Variants in PLOD1 observed in about 807,000 individuals in gnomAD.
The protein encoded by PLOD1 is lysine hydroxylase.
Under a neutral mutation model 94.7 loss-of-function variants are expected in PLOD1, and 70 were observed. The ratio of observed to expected loss-of-function variants is 0.74; its 90% CI spans 0.61 to 0.90. The LOEUF (loss-of-function observed/expected upper bound fraction) is 0.90. PLOD1 is among the 40% of genes least tolerant of loss of function. The pLI, the probability that PLOD1 is intolerant of heterozygous loss-of-function variation, is 0.00. For synonymous variants in PLOD1, 417 were observed against 400.2 expected (o/e 1.04, Z -0.50); for missense variants, 905 against 972.7 (o/e 0.93, Z 0.93).
intron 1 of PLOD1, chr1:11,944,641 C>T (rs777648958): frequency 4.0e-5 from 55 of 1,360,506 alleles, no homozygotes; most frequent in Non-Finnish European, 4.9e-5. Flanking sequence ...CAGCATCCCT[C>T]GTTTCTGGAT....
chr1:11,967,406 G>A (rs1423860799), intron 16 of PLOD1, among the ~76,000 whole-genome samples: 1 of 151,330 alleles, frequency 6.6e-6, no homozygotes, highest in Admixed American at 6.6e-5. Flanking sequence ...GGTGGAGCTG[G>A]GGAGGAAAGG....
At position 11,950,367 on chromosome 1, in the gene PLOD1, CTGT is replaced by C. The variant is rs770511543; in HGVS notation, c.315_317del (p.Phe106del). On this transcript the variant is annotated inframe_deletion, in exon 4 of 19. Coordinates refer to ENST00000196061, the MANE Select transcript of PLOD1 (RefSeq NM_000302.4). ...CTGCTCTGGCCACAGCTATGACGTG[CTGT>C]TTGCATCGGGGCCCCGGGAGCTCCT... 29 of 1,614,034 alleles carry C rather than the reference CTGT, an allele frequency of 1.8e-5. No homozygotes were observed. The highest frequency in any genetic ancestry group is 2.2e-5 in the Non-Finnish European group (26 of 1,180,014).
At chr1:11,944,500 A>G in intron 1 of PLOD1, 1 of 1,326,058 alleles carries the variant, frequency 7.5e-7, no homozygotes, top group South Asian at 1.2e-5. Flanking sequence ...ATGAAATGTG[A>G]CACTCTTCCT....
chr1:11,941,675 G>C (rs1455437478), intron 1 of PLOD1, among the ~76,000 whole-genome samples: 1 of 152,072 alleles, frequency 6.6e-6, no homozygotes, highest in African/African-American at 2.4e-5. Context: ...GTAGAGACGG[G>C]GTTTCATCAC....
chr1:11,964,160 G>T lies in PLOD1; in HGVS notation c.1203-15G>T. 6.2e-7 allele frequency: 1 copy of T among 1,613,434 alleles called. No homozygotes were observed. The highest frequency in any genetic ancestry group is 8.5e-7 in the Non-Finnish European group (1 of 1,179,668). ...GTGGGCAGCGACCTCCTACTGAGGT[G>T]CTCCCTTCCCTCAGGAACGTCATTG... On this transcript the variant is annotated splice_polypyrimidine_tract_variant and intron_variant, in intron 11 of 18. Coordinates refer to ENST00000196061, the MANE Select transcript of PLOD1 (RefSeq NM_000302.4).
chr1:11,944,709 T>A, intron 1 of PLOD1: 1 of 1,242,688 alleles, frequency 8.0e-7, no homozygotes, highest in Non-Finnish European at 1.1e-6. Context: ...ATCCACCCCC[T>A]CCTCCCCCAG....
At position 11,972,875 on chromosome 1, in the gene PLOD1, C is replaced by T. The variant is rs1439043436; in HGVS notation, c.1906C>T (p.Gln636Ter). 38 of 1,613,894 alleles carry T rather than the reference C, an allele frequency of 2.4e-5. No individual in the cohort carries two copies. Among genetic ancestry groups the T allele is most frequent in the Non-Finnish European group, 3.1e-5 (36 of 1,179,938 alleles). The change falls in exon 18 of 19, where the codon CAG becomes TAG. Residue 636 changes from glutamine (Q) to a stop codon, truncating the protein, a stop_gained. Coordinates refer to ENST00000196061, the MANE Select transcript of PLOD1 (RefSeq NM_000302.4). LOFTEE classifies it high-confidence loss of function. The surrounding 1 kb of genome is among the most constrained non-coding windows in gnomAD (Gnocchi z 4.6). ...KLYPGYYTRAQFDLAFVVRYK... is the reference protein window; with the variant it reads ...KLYPGYYTRA ...TTGTCCCCCTGCCTTGGTACAGGCC[C>T]AGTTTGACCTGGCCTTTGTCGTCCG...
chr1:11,944,618 C>A, intron 1 of PLOD1: 1 of 1,364,874 alleles, frequency 7.3e-7, no homozygotes, highest in Non-Finnish European at 9.8e-7. Flanking sequence ...GGGAGCCCTT[C>A]CCCAAGTGTG....
intron 1 of PLOD1, among the ~76,000 whole-genome samples, chr1:11,938,800 CT>C (rs955751410): frequency 6.6e-5 from 10 of 152,100 alleles, no homozygotes; most frequent in African/African-American, 2.4e-4. Context: ...ACCGTTTTCA[CT>C]TTTGGGGGCT....
In PLOD1 at chr1:11,949,894, T is replaced by G; in HGVS notation, c.290T>G (p.Leu97Arg). ...GCAGACAAGGAGGATCTGGTCATTC[T>G]CTTCGCAGACAGGTAGGTGGGTCAG... ...KHADKEDLVI[L>R]FADSYDVLFA... The change falls in exon 3 of 19, where the codon CTC becomes CGC. Residue 97 changes from leucine (L) to arginine (R), a missense_variant. Physicochemically the swap from Leu to Arg is moderately radical, Grantham distance 102. Transcript: ENST00000196061. 1.1e-5 allele frequency: 18 copies of G among 1,614,134 alleles called. No homozygotes were observed. Among genetic ancestry groups the G allele is most frequent in the Non-Finnish European group, 1.5e-5 (18 of 1,180,008 alleles).
intron 16 of PLOD1, 66 bp from the exon 17 acceptor site, chr1:11,970,604 G>A: frequency 1.4e-6 from 2 of 1,469,920 alleles, no homozygotes; most frequent in African/African-American, 1.4e-5. Flanking sequence ...TGTAGGAGAG[G>A]GGAGTAGACA....
chr1:11,946,425 T>C (rs1256430078), intron 1 of PLOD1, among the ~76,000 whole-genome samples: 1 of 152,184 alleles, frequency 6.6e-6, no homozygotes, highest in Non-Finnish European at 1.5e-5. Context: ...ACCAGTAGAT[T>C]TCAAGTCAGT....
intron 2 of PLOD1, among the ~76,000 whole-genome samples, chr1:11,948,860 C>T (rs1378890143): frequency 6.6e-6 from 1 of 152,208 alleles, no homozygotes; most frequent in Admixed American, 6.5e-5. Context: ...ATCCTGAGTG[C>T]TTCCTTATGT....
chr1:11,937,067 C>T (rs1309756057), intron 1 of PLOD1, among the ~76,000 whole-genome samples: 1 of 152,076 alleles, frequency 6.6e-6, no homozygotes. Context: ...AGGCTGGTTT[C>T]AAACTCTTGA....
intron 1 of PLOD1, among the ~76,000 whole-genome samples, chr1:11,935,123 A>G (rs192603577): frequency 3.9e-5 from 6 of 152,380 alleles, no homozygotes; most frequent in African/African-American, 1.2e-4. Context: ...ATAATAACCG[A>G]CAATGGCTAT....
chr1:11,952,001 C>G (rs1342962980), intron 4 of PLOD1, among the ~76,000 whole-genome samples: 1 of 152,252 alleles, frequency 6.6e-6, no homozygotes, highest in Non-Finnish European at 1.5e-5. Flanking sequence ...AATCCACAGG[C>G]CTCTTTTCAA....
At chr1:11,943,329 T>G (rs1645627752) in intron 1 of PLOD1, among the ~76,000 whole-genome samples, 1 of 151,250 alleles carries the variant, frequency 6.6e-6, no homozygotes, top group South Asian at 2.1e-4. Flanking sequence ...AGAGTTTTGT[T>G]CTTGTCGCCC....
intron 5 of PLOD1, chr1:11,954,581 G>A (rs757148394): frequency 6.2e-5 from 46 of 744,924 alleles, no homozygotes; most frequent in Non-Finnish European, 9.8e-5. Flanking sequence ...TAGGTGAGCC[G>A]GCTGCATTCT....
rs1177010101 is a variant in PLOD1 at position 11,963,671 on chromosome 1, G to C, written c.1202+35G>C. 6.4e-6 allele frequency: 9 copies of C among 1,404,094 alleles called. No individual in the cohort carries two copies. The highest frequency in any genetic ancestry group is 8.9e-6 in the Non-Finnish European group (9 of 1,007,466). The allele number at this position is 1,404,094 out of a possible 1,614,324, so 87.0% of individuals were successfully genotyped here. On this transcript the variant is annotated intron_variant, in intron 11 of 18. Coordinates refer to ENST00000196061, the MANE Select transcript of PLOD1 (RefSeq NM_000302.4). This position sits in a 1 kb window ranked among gnomAD's most constrained non-coding sequence, Gnocchi z 4.3. ...CTCCGTCTGCACCCAGCACTGCTCA[G>C]GACTGGCCTGGTCCTGGGGTGGCAG... is the stretch of plus-strand genomic sequence containing the variant.
Sources: gnomAD v4.1 joint callset for allele counts (sites outside exome capture counted in the v4.1 genomes callset) on GRCh38, gnomAD v4.1.1 for gene constraint, Gnocchi (gnomAD v3.1) non-coding constraint, MANE v1.5 for transcripts, NCBI Gene and HGNC (gene_info 2026-07-23, HGNC 2026-07-21) for gene names.